BBOX1: variants seen among roughly 807,000 people sequenced by gnomAD.
BBOX1 encodes gamma-butyrobetaine hydroxylase 1, also known as gamma-butyrobetaine dioxygenase.
A neutral mutation model predicts 41.6 loss-of-function variants in BBOX1; 35 were observed. That is an observed-to-expected ratio of 0.84 (90% CI 0.64 to 1.11). The LOEUF (loss-of-function observed/expected upper bound fraction) is 1.11, where lower values mean the gene tolerates loss of function less well. BBOX1 is among the 50% of genes most tolerant of loss of function. The pLI is 0.00. For missense variants in BBOX1, 458 were observed against 460.6 expected, an observed-to-expected ratio of 0.99 and a Z score of 0.05; for synonymous variants, 163 against 154.7, an observed-to-expected ratio of 1.05 and a Z score of -0.40.
In BBOX1 at chr11:27,050,619, C is replaced by G. The variant is rs186436300; in HGVS notation, c.-38-4774C>G. 1.7e-3 allele frequency among the ~76,000 whole-genome samples: 260 copies of G among 150,044 alleles called. 3 individuals carry two copies. Among genetic ancestry groups the G allele is most frequent in the African/African-American group, 6.4e-3 (254 of 39,860 alleles). ...TTAGTGGTCCTGGAAATTGAATTGTCTTATCGATACCTTTTTCAGAATGTT... is the reference window on the plus strand; with the variant it reads ...TTAGTGGTCCTGGAAATTGAATTGTGTTATCGATACCTTTTTCAGAATGTT... On this transcript the variant is annotated intron_variant, in intron 2 of 8. Coordinates refer to ENST00000263182, the MANE Select transcript of BBOX1 (RefSeq NM_003986.3).
intron 3 of BBOX1, 138 bp from the exon 4 acceptor site, chr11:27,057,063 T>TAAAAAAAAAAAAACAAAA (rs1459422645): frequency 6.8e-6 from 1 of 146,550 alleles, no homozygotes; most frequent in Non-Finnish European, 1.1e-5. Context: ...AGACTCCGAC[T>TAAAAAAAAAAAAACAAAA]TAAAAAAAAA....
chr11:27,053,809 T>C (rs1010220907), intron 2 of BBOX1, among the ~76,000 whole-genome samples: 2 of 152,152 alleles, frequency 1.3e-5, no homozygotes, highest in Non-Finnish European at 2.9e-5. Flanking sequence ...TTTTAAGTAA[T>C]AGTGTTCTCC....
At chr11:27,100,714 C>T (rs1294056012) in intron 5 of BBOX1, among the ~76,000 whole-genome samples, 4 of 152,054 alleles carry the variant, frequency 2.6e-5, no homozygotes, top group Admixed American at 6.6e-5. Context: ...CCAACAAAAC[C>T]ACTTGAGTAT....
chr11:27,056,664 T>C (rs1043301107), intron 3 of BBOX1, among the ~76,000 whole-genome samples: 1 of 152,198 alleles, frequency 6.6e-6, no homozygotes, highest in Non-Finnish European at 1.5e-5. Context: ...GGTCAAGAAC[T>C]GTAGATCTAT....
chr11:27,090,949 C>G (rs543543776), intron 4 of BBOX1, among the ~76,000 whole-genome samples: 1 of 151,918 alleles, frequency 6.6e-6, no homozygotes, highest in South Asian at 2.1e-4. Flanking sequence ...TGCCCAACCC[C>G]GCAGGCAGTC....
chr11:27,100,231 T>C (rs912394205), intron 5 of BBOX1, among the ~76,000 whole-genome samples: 7 of 152,134 alleles, frequency 4.6e-5, no homozygotes, highest in African/African-American at 1.7e-4. Context: ...CAGCTACTTG[T>C]TTGAAATACT....
At chr11:27,083,719 G>A (rs946194929) in intron 4 of BBOX1, among the ~76,000 whole-genome samples, 1 of 152,090 alleles carries the variant, frequency 6.6e-6, no homozygotes, top group African/African-American at 2.4e-5. Context: ...ATATTTATGT[G>A]TTTGCTTCCT....
Position 27,055,518 on chromosome 11 carries a change from C to A in BBOX1, c.88C>A (p.Pro30Thr). The change falls in exon 3 of 9, where the codon CCA (proline) becomes ACA (threonine). Residue 30 changes from proline (P) to threonine (T), a missense_variant. Pro to Thr is a conservative substitution (Grantham distance 38). Coordinates refer to ENST00000263182, the MANE Select transcript of BBOX1 (RefSeq NM_003986.3). Reference sequence around the variant, plus strand: ...GTATGATGAGGAAGAGTCTCTCTACCCAGCTGTATGGTTGAGAGACAACTG... The same window carrying A: ...GTATGATGAGGAAGAGTCTCTCTACACAGCTGTATGGTTGAGAGACAACTG... Reference protein sequence around the residue: ...LWYDEEESLYPAVWLRDNCPC... With the variant: ...LWYDEEESLYTAVWLRDNCPC... 6.2e-7 allele frequency: 1 copy of A among 1,614,154 alleles called. No homozygotes were observed. Among genetic ancestry groups the A allele is most frequent in the South Asian group, 1.1e-5 (1 of 91,082 alleles).
intron 4 of BBOX1, among the ~76,000 whole-genome samples, chr11:27,059,306 T>A (rs1428665624): frequency 6.6e-6 from 1 of 152,236 alleles, no homozygotes; most frequent in Non-Finnish European, 1.5e-5. Context: ...TGAGGCTTGA[T>A]GTTCGCTGTC....
At chr11:27,097,635 G>A (rs140661961) in intron 5 of BBOX1, among the ~76,000 whole-genome samples, 2 of 151,956 alleles carry the variant, frequency 1.3e-5, no homozygotes, top group African/African-American at 2.4e-5. Context: ...TCCATAAAGC[G>A]AAGGAACAGA....
intron 2 of BBOX1, among the ~76,000 whole-genome samples, chr11:27,048,397 C>G (rs796464540): frequency 4.6e-5 from 7 of 151,822 alleles, no homozygotes; most frequent in African/African-American, 1.7e-4. Flanking sequence ...AGCATAATGC[C>G]CTTCAGGTTG....
At chr11:27,054,234 T>TGTGTGC (rs1491475061) in intron 2 of BBOX1, among the ~76,000 whole-genome samples, 30 of 148,294 alleles carry the variant, frequency 2.0e-4, no homozygotes, top group East Asian at 1.2e-3. Context: ...TGTGTGTGTG[T>TGTGTGC]GCGTGCACAT....
At chr11:27,060,028 G>C (rs1167123310) in intron 4 of BBOX1, among the ~76,000 whole-genome samples, 2 of 152,116 alleles carry the variant, frequency 1.3e-5, no homozygotes, top group African/African-American at 4.8e-5. Context: ...ACTGTATTTT[G>C]CAATGTGAGA....
chr11:27,060,092 C>T (rs1857096358), intron 4 of BBOX1, among the ~76,000 whole-genome samples: 2 of 152,102 alleles, frequency 1.3e-5, no homozygotes, highest in Non-Finnish European at 2.9e-5. Flanking sequence ...GCATGTTCCA[C>T]CCAAATCTCA....
chr11:27,054,236 C>CGT (rs1491127639), intron 2 of BBOX1, among the ~76,000 whole-genome samples: 2 of 61,918 alleles, frequency 3.2e-5, no homozygotes, highest in Admixed American at 1.7e-4. Flanking sequence ...TGTGTGTGTG[C>CGT]GTGCACATGT....
chr11:27,097,461 C>G (rs919038351), intron 5 of BBOX1, among the ~76,000 whole-genome samples: 1 of 152,036 alleles, frequency 6.6e-6, no homozygotes, highest in East Asian at 1.9e-4. Context: ...AACAGAGTAT[C>G]TTTCTTGAAT....
At chr11:27,101,772 A>G (rs1319063260) in intron 5 of BBOX1, among the ~76,000 whole-genome samples, 1 of 152,166 alleles carries the variant, frequency 6.6e-6, no homozygotes, top group Non-Finnish European at 1.5e-5. Context: ...AGTGTACAAC[A>G]TGACATTTTG....
intron 6 of BBOX1, among the ~76,000 whole-genome samples, chr11:27,117,505 T>C (rs958828618): frequency 6.6e-6 from 1 of 151,958 alleles, no homozygotes; most frequent in Non-Finnish European, 1.5e-5. Context: ...GTGGCTCAGA[T>C]TTTTCTAAAA....
intron 4 of BBOX1, among the ~76,000 whole-genome samples, chr11:27,070,391 G>A (rs1433065106): frequency 6.6e-6 from 1 of 152,050 alleles, no homozygotes; most frequent in African/African-American, 2.4e-5. Flanking sequence ...GTTGCTGTCT[G>A]TCTTACTTCT....
Sources: allele counts gnomAD v4.1 joint callset (sites outside exome capture counted in the v4.1 genomes callset), GRCh38; gene constraint gnomAD v4.1.1; transcripts MANE v1.5; gene names NCBI Gene and HGNC (gene_info 2026-07-23, HGNC 2026-07-21).